Variants in VWA3B observed in about 807,000 individuals in gnomAD.
VWA3B encodes von Willebrand factor A domain containing 3B, also known as von Willebrand factor A domain-containing protein 3B.
A neutral mutation model predicts 158.3 loss-of-function variants in VWA3B; 138 were observed. The ratio of observed to expected loss-of-function variants is 0.87; its 90% CI spans 0.76 to 1.00. The LOEUF (loss-of-function observed/expected upper bound fraction) is 1.00. VWA3B is among the 50% of genes least tolerant of loss of function. The pLI is 0.00. For synonymous variants in VWA3B, 596 were observed against 587.3 expected, an observed-to-expected ratio of 1.01 and a Z score of -0.21; for missense variants, 1,555 against 1,565.1, an observed-to-expected ratio of 0.99 and a Z score of 0.11.
At chr2:98,140,533 T>C (rs1313932836) in intron 7 of VWA3B, among the ~76,000 whole-genome samples, 1 of 152,198 alleles carries the variant, frequency 6.6e-6, no homozygotes, top group Admixed American at 6.5e-5. Context: ...GAGGTGGGTG[T>C]TCCGTTAAGG....
intron 8 of VWA3B, among the ~76,000 whole-genome samples, chr2:98,177,170 G>C (rs1025524566): frequency 1.3e-5 from 2 of 152,152 alleles, no homozygotes; most frequent in Non-Finnish European, 2.9e-5. Flanking sequence ...GCTATAGCAG[G>C]GATGGTTTTC....
At chr2:98,187,876 C>A in intron 9 of VWA3B, 99 bp from the exon 10 acceptor site, 1 of 1,285,620 alleles carries the variant, frequency 7.8e-7, no homozygotes, top group Non-Finnish European at 1.0e-6. Context: ...GAGTGGAGTG[C>A]TAGGAGCCAC....
intron 23 of VWA3B, among the ~76,000 whole-genome samples, chr2:98,296,062 A>G (rs1291402237): frequency 6.6e-6 from 1 of 152,272 alleles, no homozygotes; most frequent in Non-Finnish European, 1.5e-5. Flanking sequence ...GTTTAGGTCC[A>G]AAGAAGAAAG....
At chr2:98,193,665 G>A (rs534062148) in intron 11 of VWA3B, among the ~76,000 whole-genome samples, 15 of 150,902 alleles carry the variant, frequency 9.9e-5, no homozygotes, top group East Asian at 3.9e-4. Flanking sequence ...GTGCCAACCC[G>A]GCTCACTGCA....
chr2:98,315,267 CAGAAGTA>C (rs1691064326), downstream of VWA3B, among the ~76,000 whole-genome samples: 1 of 151,928 alleles, frequency 6.6e-6, no homozygotes, highest in South Asian at 2.1e-4. Context: ...TAGCATATAC[CAGAAGTA>C]ATAAAAGGGG....
chr2:98,204,768 G>T (rs1316939838), intron 12 of VWA3B, among the ~76,000 whole-genome samples: 1 of 152,158 alleles, frequency 6.6e-6, no homozygotes, highest in Non-Finnish European at 1.5e-5. Context: ...ATCTTCTGGA[G>T]TGGATTGTGT....
At chr2:98,245,951 T>C (rs1464127244) in intron 19 of VWA3B, among the ~76,000 whole-genome samples, 1 of 152,202 alleles carries the variant, frequency 6.6e-6, no homozygotes, top group Non-Finnish European at 1.5e-5. Context: ...TTCCTTCTCT[T>C]TGACAAGAAT....
At chr2:98,129,693 CTG>C (rs147179920) in intron 6 of VWA3B, among the ~76,000 whole-genome samples, 9 of 145,908 alleles carry the variant, frequency 6.2e-5, no homozygotes, top group Admixed American at 1.4e-4. Context: ...CACCCTGGGT[CTG>C]TGTGTGTGTG....
rs561584411 is a variant in VWA3B at position 98,151,765 on chromosome 2, A to G, written c.989-11086A>G. 4.6e-5 allele frequency among the ~76,000 whole-genome samples: 7 copies of G among 152,236 alleles called. 1 individual carries two copies. Among genetic ancestry groups the G allele is most frequent in the Non-Finnish European group, 1.0e-4 (7 of 68,048 alleles). On this transcript the variant is annotated intron_variant, in intron 7 of 27. Transcript: ENST00000477737. ...TTCCTCATTTATAAAAATCGGAATA[A>G]TAACATCTACTTTGTACAGTTTCTG...
chr2:98,133,978 C>T, intron 7 of VWA3B, 39 bp downstream of exon 7: 3 of 1,549,488 alleles, frequency 1.9e-6, no homozygotes, highest in African/African-American at 1.4e-5. Context: ...GCTTATGTCC[C>T]GAATAGCCTC....
rs370930533 is a variant in VWA3B at position 98,236,750 on chromosome 2, G to A, written c.2673+20G>A. ...GATGAGGTAAACTGATTGTCTATAC[G>A]TCCCTACTTGAGGCCATTTTCATTT... On this transcript the variant is annotated intron_variant, in intron 19 of 27. Transcript: ENST00000477737. The A allele has an allele frequency of 2.0e-5, 31 of 1,583,716 alleles. No individual in the cohort carries two copies. Among genetic ancestry groups the A allele is most frequent in the African/African-American group, 2.7e-5 (2 of 73,500 alleles).
intron 6 of VWA3B, 58 bp downstream of exon 6, chr2:98,128,466 C>A (rs1675560593): frequency 6.3e-7 from 1 of 1,578,326 alleles, no homozygotes; most frequent in Admixed American, 1.7e-5. Flanking sequence ...CACACAGGAT[C>A]AACAGTGGGT....
intron 19 of VWA3B, among the ~76,000 whole-genome samples, chr2:98,240,452 G>A (rs1246575109): frequency 6.6e-6 from 1 of 152,108 alleles, no homozygotes; most frequent in Non-Finnish European, 1.5e-5. Context: ...GTCTGGCTTT[G>A]GAAGAAATTC....
chr2:98,105,514 C>T (rs1277618509), intron 2 of VWA3B, among the ~76,000 whole-genome samples: 1 of 152,126 alleles, frequency 6.6e-6, no homozygotes, highest in African/African-American at 2.4e-5. Flanking sequence ...TATGTTACCC[C>T]CTCCTATGTT....
intron 22 of VWA3B, among the ~76,000 whole-genome samples, chr2:98,275,549 T>G (rs1688471086): frequency 6.6e-6 from 1 of 152,198 alleles, no homozygotes; most frequent in African/African-American, 2.4e-5. Flanking sequence ...TGCTGAGATT[T>G]GCATTCCAGT....
intron 22 of VWA3B, among the ~76,000 whole-genome samples, chr2:98,275,604 T>C (rs1048909305): frequency 3.3e-5 from 5 of 152,272 alleles, no homozygotes; most frequent in Admixed American, 6.5e-5. Flanking sequence ...GACTAAAAGA[T>C]GGTTGTGAGA....
intron 16 of VWA3B, among the ~76,000 whole-genome samples, chr2:98,233,124 T>A (rs766996467): frequency 6.6e-6 from 1 of 152,228 alleles, no homozygotes; most frequent in Non-Finnish European, 1.5e-5. Context: ...CCTGTTCCAG[T>A]GAACCTGAGT....
chr2:98,271,224 A>G (rs140155506), intron 22 of VWA3B, among the ~76,000 whole-genome samples: 1 of 152,182 alleles, frequency 6.6e-6, no homozygotes, highest in Non-Finnish European at 1.5e-5. Context: ...TTGGTTACTC[A>G]GTCTCTTTAA....
In VWA3B at chr2:98,181,201, C is replaced by T; in HGVS notation, c.1300C>T (p.Gln434Ter). Residue 434 changes from glutamine to a stop codon, truncating the protein, a stop_gained, in exon 9 of 28, where the codon CAG becomes TAG. Transcript: ENST00000477737. LOFTEE classifies it high-confidence loss of function. ...AGCCAAACCGGAGAATGAGTCCGTG[C>T]AGACCAGTGCGGTAGGTGAAGTGCA... ...IKAKPENESV[Q>*]TSAETNKKTV... The T allele has an allele frequency of 6.2e-7, 1 of 1,614,028 alleles. No homozygotes were observed. Among genetic ancestry groups the T allele is most frequent in the Non-Finnish European group, 8.5e-7 (1 of 1,179,938 alleles).
Sources: gnomAD v4.1 joint callset for allele counts (sites outside exome capture counted in the v4.1 genomes callset) on GRCh38, gnomAD v4.1.1 for gene constraint, MANE v1.5 for transcripts, NCBI Gene and HGNC (gene_info 2026-07-23, HGNC 2026-07-21) for gene names.